TACC2: variants seen among roughly 807,000 people sequenced by gnomAD.
TACC2 encodes transforming acidic coiled-coil-containing protein 2.
A neutral mutation model predicts 227.3 loss-of-function variants in TACC2; 137 were observed. The observed-to-expected ratio is 0.60, with a 90% CI of 0.52 to 0.69. The LOEUF (loss-of-function observed/expected upper bound fraction) is 0.69. Ranked by LOEUF, TACC2 falls within the 30% of genes least tolerant of loss-of-function variation. The pLI is 0.00. For missense variants in TACC2, 3,470 were observed against 3,694.4 expected (o/e 0.94, Z 1.57); for synonymous variants, 1,523 against 1,487.5 (o/e 1.02, Z -0.55).
At chr10:122,187,523 C>G (rs1379022444) in intron 7 of TACC2, among the ~76,000 whole-genome samples, 1 of 151,984 alleles carries the variant, frequency 6.6e-6, no homozygotes, top group Non-Finnish European at 1.5e-5. Flanking sequence ...CAGAGTCTCG[C>G]TCTGTCGCCC....
At chr10:121,993,960 A>G (rs1590823170) in intron 1 of TACC2, among the ~76,000 whole-genome samples, 1 of 152,156 alleles carries the variant, frequency 6.6e-6, no homozygotes, top group Admixed American at 6.6e-5. Context: ...TTACATAAAC[A>G]ATAGTATATC....
At chr10:122,173,885 C>T (rs1309184008) in intron 7 of TACC2, among the ~76,000 whole-genome samples, 1 of 152,198 alleles carries the variant, frequency 6.6e-6, no homozygotes, top group African/African-American at 2.4e-5. Flanking sequence ...TACCCTCCAG[C>T]CCCATGCACG....
At chr10:122,069,915 TA>T (rs1343258241) in intron 3 of TACC2, among the ~76,000 whole-genome samples, 1 of 152,196 alleles carries the variant, frequency 6.6e-6, no homozygotes. Flanking sequence ...TGACAGTGGT[TA>T]ATCTTCCCAA....
chr10:122,031,649 C>T (rs924797244), intron 2 of TACC2, among the ~76,000 whole-genome samples: 2 of 151,980 alleles, frequency 1.3e-5, no homozygotes, highest in Non-Finnish European at 2.9e-5. Context: ...GTGATCCACC[C>T]GCCTTGGCCT....
chr10:122,056,125 G>A (rs180944653), intron 3 of TACC2, among the ~76,000 whole-genome samples: 37 of 152,352 alleles, frequency 2.4e-4, no homozygotes, highest in African/African-American at 8.7e-4. Flanking sequence ...TCGCCTCTGG[G>A]GAGTCTGATG....
rs189809811 is a variant in TACC2, at chr10:122,034,189, G to A, written c.33+12175G>A. Among the ~76,000 whole-genome samples the A allele has an allele frequency of 4.7e-4, 29 of 61,158 alleles. 2 individuals are homozygous for A. The highest frequency in any genetic ancestry group is 2.0e-3 in the African/African-American group (29 of 14,260). 40.1% of individuals were successfully genotyped at this position (61,158 alleles called of 152,430 possible). ...AAAAAAAAAAGAGCTGCTCTGCCCC[G>A]GAGGATGGCTGTTAGGTGGGTGGTG... is the stretch of plus-strand genomic sequence containing the variant. On this transcript the variant is annotated intron_variant, in intron 2 of 22. Transcript: ENST00000369005.
chr10:122,052,514 C>T (rs2075804689), intron 3 of TACC2: 1 of 152,034 alleles, frequency 6.6e-6, no homozygotes, highest in African/African-American at 2.4e-5. Context: ...GAAGCCCCGT[C>T]TCTACTAAAA....
intron 6 of TACC2, among the ~76,000 whole-genome samples, chr10:122,134,062 G>A (rs985258733): frequency 1.3e-5 from 2 of 152,168 alleles, no homozygotes; most frequent in African/African-American, 2.4e-5. Flanking sequence ...AGCAGAGGAC[G>A]GGATAGATAG....
chr10:122,058,698 G>T (rs1405022717), intron 3 of TACC2, among the ~76,000 whole-genome samples: 1 of 151,848 alleles, frequency 6.6e-6, no homozygotes, highest in Non-Finnish European at 1.5e-5. Flanking sequence ...ATGAGCCACC[G>T]TGCCTGGCCA....
chr10:122,005,718 G>A (rs1955026187), intron 1 of TACC2, among the ~76,000 whole-genome samples: 1 of 142,404 alleles, frequency 7.0e-6, no homozygotes, highest in Admixed American at 7.3e-5. Flanking sequence ...TTTTGAGATG[G>A]AGTCTCACTT....
chr10:122,124,081 C>T (rs1430145990), intron 5 of TACC2, among the ~76,000 whole-genome samples: 4 of 151,962 alleles, frequency 2.6e-5, no homozygotes, highest in East Asian at 3.9e-4. Context: ...CAAAGTGCTG[C>T]GATTATAGTC....
chr10:122,028,245 A>G (rs1051290057), intron 2 of TACC2, among the ~76,000 whole-genome samples: 2 of 151,514 alleles, frequency 1.3e-5, no homozygotes, highest in African/African-American at 4.9e-5. Flanking sequence ...GCATGCCACC[A>G]TGCCCGGCTA....
At chr10:122,125,776 C>CT (rs67882679) in intron 5 of TACC2, among the ~76,000 whole-genome samples, 4,885 of 117,118 alleles carry the variant, frequency 0.042, 224 homozygotes, top group East Asian at 0.13. Flanking sequence ...AATATCCTTC[C>CT]TTTTTTTTTT....
chr10:122,097,422 G>A (rs2081572378), intron 5 of TACC2, among the ~76,000 whole-genome samples: 1 of 152,030 alleles, frequency 6.6e-6, no homozygotes, highest in African/African-American at 2.4e-5. Flanking sequence ...TCAGGGGAAG[G>A]GAGTCTATGT....
At chr10:122,200,693 C>T (rs1172628141) in intron 8 of TACC2, among the ~76,000 whole-genome samples, 2 of 145,504 alleles carry the variant, frequency 1.4e-5, no homozygotes, top group African/African-American at 2.7e-5. Context: ...CCCACAGTGG[C>T]CATGTTCACA....
In TACC2 at chr10:122,229,355, G is replaced by A. The variant is rs542534555; in HGVS notation, c.7906G>A (p.Glu2636Lys). The A allele has an allele frequency of 1.8e-5, 29 of 1,613,598 alleles. No individual in the cohort carries two copies. Among genetic ancestry groups the A allele is most frequent in the Non-Finnish European group, 2.3e-5 (27 of 1,179,960 alleles). ...PSEAIEITAP[E>K]GSFASADALL... ...CTCTGCCGGCTTTCAGACAGCTCCC[G>A]AGGGCTCCTTTGCCTCTGCTGACGC... The change falls in exon 15 of 23, where the codon GAG becomes AAG. Residue 2636 changes from glutamate (E) to lysine (K), a missense_variant. Glu to Lys is a moderately conservative substitution (Grantham distance 56). This residue lies in a region of TACC2 where 345 missense variants were observed against 354.4 expected (regional missense o/e 0.97). Transcript: ENST00000369005.
At position 122,220,206 on chromosome 10, in the gene TACC2, A is replaced by G. The variant is rs1589682599; in HGVS notation, c.7546+3378A>G. Reference sequence around the variant, plus strand: ...TTAGGGCTAATATATACCTCATTCAATGGTGGCATTTATTTGTCCATCTTC... The same window carrying G: ...TTAGGGCTAATATATACCTCATTCAGTGGTGGCATTTATTTGTCCATCTTC... On this transcript the variant is annotated intron_variant, in intron 11 of 22. Transcript: ENST00000369005. 2.0e-5 allele frequency among the ~76,000 whole-genome samples: 3 copies of G among 152,292 alleles called. No individual in the cohort carries two copies. In the East Asian group the frequency reaches 5.8e-4, roughly 29 times the overall value.
chr10:122,061,015 AAAAAGGGGGG>A (rs746819975), intron 3 of TACC2, among the ~76,000 whole-genome samples: 1 of 139,940 alleles, frequency 7.1e-6, no homozygotes. Flanking sequence ...AAAAAAAAAA[AAAAAGGGGGG>A]GGGGCCAGGC....
In TACC2 at chr10:122,085,833, A is replaced by T. The variant is rs1260850232; in HGVS notation, c.3333A>T (p.Pro1111=). 6.2e-7 allele frequency: 1 copy of T among 1,613,106 alleles called. No homozygotes were observed. Residue 1111 remains proline (P), a synonymous_variant, in exon 4 of 23, where the codon CCA becomes CCT. Transcript: ENST00000369005. Reference sequence around the variant, plus strand: ...GGGCCACTTCGGATGCAGAGTCCCCAAAGCTTCTTGCAAGTTTCCCATCAG... The same window carrying T: ...GGGCCACTTCGGATGCAGAGTCCCCTAAGCTTCTTGCAAGTTTCCCATCAG... ...ECWATSDAES[P]KLLASFPSAG... is the part of the protein sequence containing the mutation.
Sources: gnomAD v4.1 joint callset for allele counts (sites outside exome capture counted in the v4.1 genomes callset) on GRCh38, gnomAD v4.1.1 for gene constraint, gnomAD v4.1.1 regional missense constraint, MANE v1.5 for transcripts, NCBI Gene and HGNC (gene_info 2026-07-23, HGNC 2026-07-21) for gene names.